The following GPHN variants were observed in gnomAD, a reference collection of about 807,000 sequenced individuals.
GPHN encodes gephyrin.
In GPHN, 17 loss-of-function variants were observed where a neutral mutation model predicts 95.5. The observed-to-expected ratio is 0.18, with a 90% CI of 0.12 to 0.27. The LOEUF is 0.27. GPHN is among the 10% of genes least tolerant of loss of function. The pLI, the probability that GPHN is intolerant of heterozygous loss-of-function variation, is 1.00. For missense variants in GPHN, 660 were observed against 978.1 expected, an observed-to-expected ratio of 0.67 and a Z score of 4.34; for synonymous variants, 320 against 322.5, an observed-to-expected ratio of 0.99 and a Z score of 0.08.
At chr14:67,561,128 C>T in the GPHN span, among the ~76,000 whole-genome samples, 1 of 152,224 alleles carries the variant, frequency 6.6e-6, no homozygotes, top group Non-Finnish European at 1.5e-5. Context: ...TTTGGATGTA[C>T]ATCTCAGGTC....
At chr14:67,393,274 C>T in the GPHN span, 9 of 1,480,370 alleles carry the variant, frequency 6.1e-6, no homozygotes, top group African/African-American at 1.4e-5. Context: ...GAGAGGGAAC[C>T]CTCATCACGC....
At chr14:66,631,724 AT>A (rs1466853939) in intron 1 of GPHN, among the ~76,000 whole-genome samples, 4 of 152,076 alleles carry the variant, frequency 2.6e-5, no homozygotes, top group Non-Finnish European at 5.9e-5. Context: ...TAAGTATAAT[AT>A]TTTTTATTTT....
Position 67,152,809 on chromosome 14 carries a change from A to G in GPHN, c.1837-6606A>G, listed in dbSNP as rs190980026. The stretch of plus-strand genomic sequence containing the variant: ...GGGAAACCCCATCTCTACTAAAAAT[A>G]CAAAAATTGGCTGGGTGTGGTGGTG... On this transcript the variant is annotated intron_variant, in intron 18 of 22. Transcript: ENST00000478722. Among the ~76,000 whole-genome samples, 4 of 152,124 alleles carry G rather than the reference A, an allele frequency of 2.6e-5. No individual in the cohort carries two copies. The East Asian group carries it at 7.7e-4, about 29-fold the overall frequency.
the GPHN span, among the ~76,000 whole-genome samples, chr14:67,507,015 GC>G: frequency 3.3e-5 from 5 of 152,042 alleles, 1 homozygote; most frequent in Admixed American, 2.6e-4. Context: ...AAAAGAAAAA[GC>G]CTTGTTCAAA....
At position 66,509,739 on chromosome 14, in the gene GPHN, T is replaced by C. The variant is rs923437379; in HGVS notation, c.64+1148T>C. Among the ~76,000 whole-genome samples the C allele has an allele frequency of 9.2e-5, 14 of 152,248 alleles. No homozygotes were observed. The East Asian group carries it at 2.7e-3, about 29-fold the overall frequency. ...GCAGTGTGGACGGGAATCCTAGTGT[T>C]TCCCTTACTTCTTTTTTTAATTTTT... is the stretch of plus-strand genomic sequence containing the variant. On this transcript the variant is annotated intron_variant, in intron 1 of 22. Coordinates refer to ENST00000478722, the MANE Select transcript of GPHN (RefSeq NM_020806.5).
At chr14:67,532,692 AG>A in the GPHN span, among the ~76,000 whole-genome samples, 1 of 152,318 alleles carries the variant, frequency 6.6e-6, no homozygotes, top group East Asian at 1.9e-4. Flanking sequence ...AAAATAAGCA[AG>A]TAAGTTACTC....
chr14:67,082,242 G>A (rs1213785821), intron 11 of GPHN, among the ~76,000 whole-genome samples: 2 of 152,052 alleles, frequency 1.3e-5, no homozygotes, highest in African/African-American at 4.8e-5. Flanking sequence ...CATGGGATGT[G>A]TTTCCATTTG....
At chr14:67,343,345 A>G in the GPHN span, 3 of 1,576,800 alleles carry the variant, frequency 1.9e-6, no homozygotes, top group East Asian at 2.2e-5. Flanking sequence ...ACAAGTGACA[A>G]AGCACCTCAC....
chr14:66,823,227 C>G (rs931586345), intron 3 of GPHN: 4 of 152,198 alleles, frequency 2.6e-5, no homozygotes, highest in Non-Finnish European at 5.9e-5. Context: ...TTCTCAAGCT[C>G]CTGACCTTAC....
chr14:67,606,913 T>C, the GPHN span, among the ~76,000 whole-genome samples: 2 of 152,200 alleles, frequency 1.3e-5, no homozygotes, highest in South Asian at 2.1e-4. Flanking sequence ...CCCAAAGTGC[T>C]GGGATTACAG....
intron 1 of GPHN, among the ~76,000 whole-genome samples, chr14:66,655,800 T>G (rs185488227): frequency 1.4e-3 from 207 of 152,240 alleles, no homozygotes; most frequent in African/African-American, 4.8e-3. Flanking sequence ...TTGAGAATTT[T>G]TATCATGAAT....
the GPHN span, among the ~76,000 whole-genome samples, chr14:67,369,048 T>C: frequency 6.6e-6 from 1 of 152,244 alleles, no homozygotes; most frequent in African/African-American, 2.4e-5. Context: ...AATTCATTTA[T>C]ATCAGTAATT....
the GPHN span, chr14:67,533,723 G>A: frequency 6.6e-6 from 1 of 152,174 alleles, no homozygotes; most frequent in Non-Finnish European, 1.5e-5. Context: ...ATCGGTGCTC[G>A]CTCCCTTTCA....
At chr14:66,883,532 A>G (rs1193992694) in intron 5 of GPHN, among the ~76,000 whole-genome samples, 1 of 152,052 alleles carries the variant, frequency 6.6e-6, no homozygotes, top group Non-Finnish European at 1.5e-5. Context: ...TTCTTTTCCC[A>G]TGAGAACTGG....
chr14:66,619,299 G>C (rs12323495), intron 1 of GPHN, among the ~76,000 whole-genome samples: 2,923 of 152,028 alleles, frequency 0.019, 45 homozygotes, highest in Middle Eastern at 0.034. Flanking sequence ...TTAAGAAACT[G>C]CTAAATTGTT....
chr14:67,435,345 A>G, the GPHN span, among the ~76,000 whole-genome samples: 10 of 152,278 alleles, frequency 6.6e-5, no homozygotes, highest in African/African-American at 2.4e-4. Context: ...CTATGAATGG[A>G]TTAACCCATT....
the GPHN span, among the ~76,000 whole-genome samples, chr14:67,625,704 ACTGGAAAGACTTCATCAATGTAATG>A: frequency 6.8e-6 from 1 of 146,268 alleles, no homozygotes. Flanking sequence ...AAAAAAAGAA[ACTGGAAAGACTTCATCAATGTAATG>A]AAAAACCAAA....
intron 2 of GPHN, among the ~76,000 whole-genome samples, chr14:66,689,441 T>C (rs2067624775): frequency 6.6e-6 from 1 of 152,202 alleles, no homozygotes; most frequent in Non-Finnish European, 1.5e-5. Flanking sequence ...AATATGCTGC[T>C]GGATTCTGTT....
At chr14:67,341,868 T>C in the GPHN span, among the ~76,000 whole-genome samples, 3 of 152,212 alleles carry the variant, frequency 2.0e-5, no homozygotes, top group Admixed American at 6.5e-5. Context: ...TGGGATCCTG[T>C]TGATCTATGA....
Sources: allele counts gnomAD v4.1 joint callset (sites outside exome capture counted in the v4.1 genomes callset), GRCh38; gene constraint gnomAD v4.1.1; transcripts MANE v1.5; gene names NCBI Gene and HGNC (gene_info 2026-07-23, HGNC 2026-07-21).